CLCA2: variants seen among roughly 807,000 people sequenced by gnomAD.
CLCA2 encodes calcium-activated chloride channel regulator 2.
CLCA2 carries 85 observed loss-of-function variants against 82.9 expected under a neutral mutation model. The observed-to-expected ratio is 1.03, with a 90% CI of 0.86 to 1.23. The LOEUF (loss-of-function observed/expected upper bound fraction) is 1.23. Ranked by LOEUF, CLCA2 falls within the 50% of genes most tolerant of loss-of-function variation. CLCA2 has a pLI of 0.00. For synonymous variants in CLCA2, 421 were observed against 391.7 expected, an observed-to-expected ratio of 1.07 and a Z score of -0.88; for missense variants, 1,089 against 1,124.8, an observed-to-expected ratio of 0.97 and a Z score of 0.45.
rs1181650947 is a variant in CLCA2 at position 86,440,430 on chromosome 1, ATT to A, written c.1381+106_1381+107del. ...ATATGGCTTAATTGAAAATACAGAA[ATT>A]GTTTTTAAAAAACGCACACACATAT... On this transcript the variant is annotated intron_variant, in intron 8 of 13. Transcript: ENST00000370565. 2.7e-6 allele frequency: 3 copies of A among 1,107,496 alleles called. No individual in the cohort carries two copies. The African/African-American group carries it at 4.8e-5, about 18-fold the overall frequency. 68.6% of individuals were successfully genotyped at this position (1,107,496 alleles called of 1,614,324 possible).
intron 10 of CLCA2, among the ~76,000 whole-genome samples, chr1:86,446,497 CT>C (rs577399810): frequency 1.3e-5 from 2 of 152,072 alleles, no homozygotes; most frequent in Non-Finnish European, 2.9e-5. Context: ...ACTCAGAGAA[CT>C]TTTTGATGTG....
intron 5 of CLCA2, 33 bp from the exon 6 acceptor site, chr1:86,434,485 C>T (rs1409432401): frequency 3.2e-6 from 5 of 1,557,952 alleles, no homozygotes. Flanking sequence ...GGGAGAAGTG[C>T]CTCTCTTTAT....
Position 86,430,960 on chromosome 1 carries a change from A to G in CLCA2, c.574A>G (p.Lys192Glu). Reference sequence around the variant, plus strand: ...CTACATAAATGGGCAAAATCAAATTAAAGTGACAAGGTTAGTACTTTTTTT... The same window carrying G: ...CTACATAAATGGGCAAAATCAAATTGAAGTGACAAGGTTAGTACTTTTTTT... ...PFYINGQNQI[K>E]VTRCSSDITG... is the part of the protein sequence containing the mutation. The change falls in exon 4 of 14, where the codon AAA becomes GAA. Residue 192 changes from lysine (K) to glutamate (E), a missense_variant. Lys to Glu is a moderately conservative substitution (Grantham distance 56, BLOSUM62 1). Transcript: ENST00000370565. 1 of 1,608,200 alleles carries G rather than the reference A, an allele frequency of 6.2e-7. No homozygotes were observed. The highest frequency in any genetic ancestry group is 8.5e-7 in the Non-Finnish European group (1 of 1,175,264).
chr1:86,447,147 G>C (rs571389323), intron 10 of CLCA2, among the ~76,000 whole-genome samples: 1 of 152,130 alleles, frequency 6.6e-6, no homozygotes, highest in Non-Finnish European at 1.5e-5. Context: ...ACATTTAAAC[G>C]CCTTTTTGGG....
Position 86,434,855 on chromosome 1 carries a change from T to C in CLCA2, c.972+110T>C, listed in dbSNP as rs1052846535. On this transcript the variant is annotated intron_variant, in intron 6 of 13. Transcript: ENST00000370565. ...GGTACATGTGCAGGACGTTCAAGTT[T>C]GTTACACAGGTAGACATGTGCCATA... The C allele has an allele frequency of 1.1e-5, 10 of 871,740 alleles. No homozygotes were observed. In the African/African-American group the frequency reaches 1.7e-4, roughly 15 times the overall value. 54.0% of individuals were successfully genotyped at this position (871,740 alleles called of 1,614,324 possible). A position where few individuals can be genotyped will look rare whatever the true frequency, so the allele number is the denominator to read the frequency against.
chr1:86,453,509 C>T lies in CLCA2; in HGVS notation c.2296C>T (p.Pro766Ser), dbSNP rs1558121361. The change falls in exon 13 of 14, where the codon CCA becomes TCA. Residue 766 changes from proline to serine, a missense_variant. Transcript: ENST00000370565. ...PAGPHPDVFPPCKIIDLEAVK... is the reference protein window; with the variant it reads ...PAGPHPDVFPSCKIIDLEAVK... Reference sequence around the variant, plus strand: ...TGGCCCCCACCCTGATGTGTTTCCACCATGCAAAATTATTGACCTGGAAGC... The same window carrying T: ...TGGCCCCCACCCTGATGTGTTTCCATCATGCAAAATTATTGACCTGGAAGC... 6.2e-7 allele frequency: 1 copy of T among 1,613,978 alleles called. No individual in the cohort carries two copies. Among genetic ancestry groups the T allele is most frequent in the Non-Finnish European group, 8.5e-7 (1 of 1,180,012 alleles).
intron 6 of CLCA2, among the ~76,000 whole-genome samples, chr1:86,438,097 A>G (rs909160711): frequency 2.0e-5 from 3 of 152,120 alleles, no homozygotes; most frequent in African/African-American, 7.2e-5. Flanking sequence ...CCTGTGTCCT[A>G]AGAAGTGTGA....
Position 86,441,537 on chromosome 1 carries a change from T to C in CLCA2, c.1482T>C (p.His494=), listed in dbSNP as rs746905925. The C allele has an allele frequency of 1.1e-5, 18 of 1,603,542 alleles. No individual in the cohort carries two copies. The Admixed American group carries it at 2.7e-4, about 24-fold the overall frequency. ...GAACTGGAGACATTTTCCAGCAACA[T>C]ATTCAGGTCAGAATTTTCTCAATGT... ...SSGTGDIFQQ[H]IQLESTGENV... Residue 494 remains histidine (H), a synonymous_variant, in exon 9 of 14, where the codon CAT becomes CAC. Coordinates refer to ENST00000370565, the MANE Select transcript of CLCA2 (RefSeq NM_006536.7).
chr1:86,440,030 T>G, intron 7 of CLCA2, 118 bp from the exon 8 acceptor site: 4 of 939,044 alleles, frequency 4.3e-6, no homozygotes, highest in Non-Finnish European at 4.9e-6. Context: ...AAAACTTGAG[T>G]GGAGATGGGC....
At chr1:86,449,382 G>A (rs957420575) in intron 11 of CLCA2, among the ~76,000 whole-genome samples, 1 of 152,114 alleles carries the variant, frequency 6.6e-6, no homozygotes, top group Admixed American at 6.6e-5. Flanking sequence ...CCAAGCCAAT[G>A]TTCTTTCCCC....
rs1397813633 is a variant in CLCA2 at position 86,453,599 on chromosome 1, C to T, written c.2386C>T (p.Gln796Ter). ...ACCTGGAGAAGACTTTGATCAGGGC[C>T]AGGGTAGGTTTGCTCATTTCATTAC... ...TAPGEDFDQG[Q>*]ATSYEIRMSK... Residue 796 changes from glutamine (Q) to a stop codon, truncating the protein, a stop_gained, in exon 13 of 14, where the codon CAG (glutamine) becomes TAG (stop). Transcript: ENST00000370565. LOFTEE classifies it low-confidence loss of function (END_TRUNC). 4 of 1,613,206 alleles carry T rather than the reference C, an allele frequency of 2.5e-6. No homozygotes were observed. The highest frequency in any genetic ancestry group is 3.4e-6 in the Non-Finnish European group (4 of 1,179,522).
chr1:86,428,657 C>G, intron 3 of CLCA2, 89 bp downstream of exon 3: 1 of 1,458,836 alleles, frequency 6.9e-7, no homozygotes, highest in East Asian at 2.4e-5. Flanking sequence ...CTCACAAAAC[C>G]TGAAACTTGT....
At chr1:86,427,178 G>T (rs1055004865) in intron 2 of CLCA2, among the ~76,000 whole-genome samples, 6 of 152,144 alleles carry the variant, frequency 3.9e-5, no homozygotes, top group African/African-American at 1.4e-4. Flanking sequence ...AGGAAAAGTA[G>T]ATAAGAGCTG....
Position 86,444,007 on chromosome 1 carries a change from C to CT in CLCA2, c.1710dup (p.Lys571Ter). On this transcript the variant is annotated frameshift_variant, in exon 10 of 14. Transcript: ENST00000370565. LOFTEE classifies it high-confidence loss of function. ...GCTAGTCTTTGGATTCCAGGAACAG[C>CT]TAAGGTAGGTGTTGTGAGTTTGTTC... The CT allele has an allele frequency of 6.2e-7, 1 of 1,600,018 alleles. No individual in the cohort carries two copies. The highest frequency in any genetic ancestry group is 8.6e-7 in the Non-Finnish European group (1 of 1,167,486).
rs1558097799 is a variant in CLCA2, at chr1:86,424,299, C to G, written c.52C>G (p.Leu18Val). The stretch of plus-strand genomic sequence containing the variant: ...TATTTGCAACCTGAAGTTTGTGACT[C>G]TCCTGGTTGCCTTAAGTTCAGAACT... ...GPICNLKFVT[L>V]LVALSSELPF... The change falls in exon 1 of 14, where the codon CTC becomes GTC. Residue 18 changes from leucine (L) to valine (V), a missense_variant. Transcript: ENST00000370565. 3.7e-6 allele frequency: 6 copies of G among 1,613,938 alleles called. No homozygotes were observed. In the African/African-American group the frequency reaches 5.3e-5, roughly 14 times the overall value.
chr1:86,447,492 A>G lies in CLCA2; in HGVS notation c.1714-16A>G. On this transcript the variant is annotated splice_polypyrimidine_tract_variant and intron_variant, in intron 10 of 13. Transcript: ENST00000370565. Reference sequence around the variant, plus strand: ...TTTTTTTCACACTTTCCAAAACAATAAGACTTGTTTTACAGCCTGGGCACT... The same window carrying G: ...TTTTTTTCACACTTTCCAAAACAATGAGACTTGTTTTACAGCCTGGGCACT... 1.9e-6 allele frequency: 3 copies of G among 1,605,456 alleles called. No homozygotes were observed. Among genetic ancestry groups the G allele is most frequent in the Admixed American group, 1.7e-5 (1 of 59,198 alleles).
At position 86,426,446 on chromosome 1, in the gene CLCA2, G is replaced by A. The variant is rs562537660; in HGVS notation, c.324+970G>A. Among the ~76,000 whole-genome samples the A allele has an allele frequency of 3.9e-5, 6 of 152,144 alleles. No individual in the cohort carries two copies. In the East Asian group the frequency reaches 1.2e-3, roughly 29 times the overall value. ...TTGAATGGTATAGCAATCCAGATAG[G>A]TACCCCAATGTCCTGAAGAAGTTAA... On this transcript the variant is annotated intron_variant, in intron 2 of 13. Transcript: ENST00000370565.
intron 13 of CLCA2, among the ~76,000 whole-genome samples, chr1:86,454,265 A>G (rs1435130251): frequency 2.0e-5 from 3 of 152,148 alleles, no homozygotes; most frequent in Admixed American, 6.6e-5. Context: ...CCTTTATCAT[A>G]TACTAAATTT....
chr1:86,453,353 T>G lies in CLCA2; in HGVS notation c.2156-16T>G, dbSNP rs1663011298. 1.3e-6 allele frequency: 2 copies of G among 1,598,716 alleles called. No homozygotes were observed. Among genetic ancestry groups the G allele is most frequent in the Non-Finnish European group, 1.7e-6 (2 of 1,170,986 alleles). On this transcript the variant is annotated splice_polypyrimidine_tract_variant and intron_variant, in intron 12 of 13. Transcript: ENST00000370565. ...GTAATTTGTCATTTTGCCTTTTTTT[T>G]TCTTTTTTGTCTCAGGTAATATTCA...
Sources: allele counts gnomAD v4.1 joint callset (sites outside exome capture counted in the v4.1 genomes callset), GRCh38; gene constraint gnomAD v4.1.1; transcripts MANE v1.5; gene names NCBI Gene and HGNC (gene_info 2026-07-23, HGNC 2026-07-21).